FAM219A: variants seen among roughly 807,000 people sequenced by gnomAD.
The protein encoded by FAM219A is family with sequence similarity 219 member A.
Under a neutral mutation model 23.4 loss-of-function variants are expected in FAM219A, and 7 were observed. The ratio of observed to expected loss-of-function variants is 0.30; its 90% CI spans 0.17 to 0.56. The LOEUF is 0.56. FAM219A is among the 20% of genes least tolerant of loss of function. The pLI is 0.92. For missense variants in FAM219A, 166 were observed against 246.9 expected (o/e 0.67, Z 2.20); for synonymous variants, 93 against 99.0 (o/e 0.94, Z 0.36).
At chr9:34,403,465 G>A (rs1481060867) in intron 2 of FAM219A, among the ~76,000 whole-genome samples, 2 of 152,258 alleles carry the variant, frequency 1.3e-5, no homozygotes, top group East Asian at 3.8e-4. Context: ...TATGGTGTGG[G>A]AGGTGCAGGA....
chr9:34,445,809 A>G (rs1369821462), intron 1 of FAM219A, among the ~76,000 whole-genome samples: 1 of 152,172 alleles, frequency 6.6e-6, no homozygotes, highest in African/African-American at 2.4e-5. Flanking sequence ...AAGTGGGCAA[A>G]ATGATTTTCC....
In FAM219A at chr9:34,398,755, T is replaced by A. The variant is rs1485021362; in HGVS notation, c.*2209A>T. ...AGCCCCGGGGTGGTGGTGGTGGTAG[T>A]GGGAGGGCTGGCTCTGGGGTCCAGA... On this transcript the variant is annotated 3_prime_UTR_variant, in exon 6 of 6. Transcript: ENST00000651358. 7.9e-6 allele frequency: 1 copy of A among 126,746 alleles called. No homozygotes were observed. Among genetic ancestry groups the A allele is most frequent in the East Asian group, 1.7e-4 (1 of 5,752 alleles). The allele number at this position is 126,746 out of a possible 1,614,324, so 7.9% of individuals were successfully genotyped here.
At chr9:34,452,308 T>C (rs1014914728) in intron 1 of FAM219A, among the ~76,000 whole-genome samples, 1 of 152,100 alleles carries the variant, frequency 6.6e-6, no homozygotes, top group Admixed American at 6.5e-5. Flanking sequence ...GCTTCAGCAG[T>C]AGAGCAAAGG....
At position 34,407,532 on chromosome 9, in the gene FAM219A, C is replaced by T. The variant is rs958151407; in HGVS notation, c.61-1568G>A. ...CTGGGCCGAGAGGGGAAGTGTCTTA[C>T]GCAAAGTCAGTGATGGAGTCAATAA... On this transcript the variant is annotated intron_variant, in intron 1 of 5. Coordinates refer to ENST00000651358, the MANE Select transcript of FAM219A (RefSeq NM_001184940.2). 3.3e-5 allele frequency among the ~76,000 whole-genome samples: 5 copies of T among 152,110 alleles called. No homozygotes were observed. In the East Asian group the frequency reaches 5.8e-4, roughly 18 times the overall value.
chr9:34,400,922 C>A lies in FAM219A; in HGVS notation c.*42G>T, dbSNP rs773437600. 4 of 1,492,554 alleles carry A rather than the reference C, an allele frequency of 2.7e-6. No homozygotes were observed. The highest frequency in any genetic ancestry group is 3.6e-6 in the Non-Finnish European group (4 of 1,119,078). The allele number at this position is 1,492,554 out of a possible 1,614,324, so 92.5% of individuals were successfully genotyped here. On this transcript the variant is annotated 3_prime_UTR_variant, in exon 6 of 6. Transcript: ENST00000651358. ...GTCGGCCTCTGCCCGTCCTACCCGGCCCTTGGCGGCCCCGCCCCGGCGACC... is the reference window on the plus strand; with the variant it reads ...GTCGGCCTCTGCCCGTCCTACCCGGACCTTGGCGGCCCCGCCCCGGCGACC...
At chr9:34,424,200 G>A (rs1822376868) in intron 1 of FAM219A, among the ~76,000 whole-genome samples, 3 of 152,124 alleles carry the variant, frequency 2.0e-5, no homozygotes, top group African/African-American at 7.2e-5. Flanking sequence ...AAGAGAGACT[G>A]GAAAATAGTT....
chr9:34,402,486 G>A lies in FAM219A; in HGVS notation c.264-19C>T, dbSNP rs200475390. 63 of 1,614,038 alleles carry A rather than the reference G, an allele frequency of 3.9e-5. No homozygotes were observed. The East Asian group carries it at 1.2e-3, about 30-fold the overall frequency. On this transcript the variant is annotated intron_variant, in intron 3 of 5. Transcript: ENST00000651358. ...GACCAGCCTAGGTGAAGAATTTCGG[G>A]AGTTAGAGTGGCAAAGTGGAGCATA...
rs1157272215 is a variant in FAM219A at position 34,411,549 on chromosome 9, C to T, written c.61-5585G>A. ...AAACTTAGCCAGGCACGGTGGTGGG[C>T]GCCTGTAGTCCTAGCTACTCGGGAG... On this transcript the variant is annotated intron_variant, in intron 1 of 5. Transcript: ENST00000651358. Among the ~76,000 whole-genome samples, 10 of 151,638 alleles carry T rather than the reference C, an allele frequency of 6.6e-5. No individual in the cohort carries two copies. In the East Asian group the frequency reaches 1.5e-3, roughly 23 times the overall value.
chr9:34,441,462 T>G (rs1409721363), intron 1 of FAM219A, among the ~76,000 whole-genome samples: 1 of 151,964 alleles, frequency 6.6e-6, no homozygotes, highest in African/African-American at 2.4e-5. Flanking sequence ...TGAAGCAGGG[T>G]GGGATACATG....
chr9:34,411,602 G>A (rs1256153232), intron 1 of FAM219A, among the ~76,000 whole-genome samples: 1 of 151,130 alleles, frequency 6.6e-6, no homozygotes, highest in African/African-American at 2.4e-5. Flanking sequence ...GCTAGAACCC[G>A]GGAGGCGGAG....
At chr9:34,401,610 G>C (rs905346829) in intron 5 of FAM219A, 56 bp downstream of exon 5, 1 of 1,572,892 alleles carries the variant, frequency 6.4e-7, no homozygotes, top group Non-Finnish European at 8.6e-7. Context: ...GCCCTCCCCC[G>C]GGATGGCAGT....
chr9:34,458,516 T>G lies in FAM219A; in HGVS notation c.-253A>C. 1 of 373,716 alleles carries G rather than the reference T, an allele frequency of 2.7e-6. No individual in the cohort carries two copies. Among genetic ancestry groups the G allele is most frequent in the Non-Finnish European group, 4.8e-6 (1 of 206,878 alleles). 23.1% of individuals were successfully genotyped at this position (373,716 alleles called of 1,614,324 possible). On this transcript the variant is annotated 5_prime_UTR_variant, in exon 1 of 6. Transcript: ENST00000651358. This position sits in a 1 kb window ranked among gnomAD's most constrained non-coding sequence, Gnocchi z 6.6. ...GCCGGGCCGAGCCGCAGGTCTTGCC[T>G]CGCCTCCTACTCCGCTGCCGCCTCC...
intron 1 of FAM219A, among the ~76,000 whole-genome samples, chr9:34,415,905 C>T (rs1460888954): frequency 6.6e-6 from 1 of 152,106 alleles, no homozygotes; most frequent in Non-Finnish European, 1.5e-5. Context: ...CCCTAGGTTT[C>T]AGTCTCTGGT....
intron 1 of FAM219A, among the ~76,000 whole-genome samples, chr9:34,430,209 G>T (rs1376367856): frequency 1.3e-5 from 2 of 152,084 alleles, no homozygotes; most frequent in African/African-American, 4.8e-5. Context: ...CACAGCGAAA[G>T]ACATGTGCAG....
chr9:34,400,878 G>T lies in FAM219A; in HGVS notation c.*86C>A. 1 of 1,368,096 alleles carries T rather than the reference G, an allele frequency of 7.3e-7. No homozygotes were observed. Among genetic ancestry groups the T allele is most frequent in the Non-Finnish European group, 9.6e-7 (1 of 1,042,846 alleles). The allele number at this position is 1,368,096 out of a possible 1,614,324, so 84.7% of individuals were successfully genotyped here. On this transcript the variant is annotated 3_prime_UTR_variant, in exon 6 of 6. Coordinates refer to ENST00000651358, the MANE Select transcript of FAM219A (RefSeq NM_001184940.2). ...TGTAGGGGCGCGGGGCCGGGGGCAG[G>T]CAGACGAGCTGGGAAGGGGTCGGCC...
intron 1 of FAM219A, among the ~76,000 whole-genome samples, chr9:34,409,812 C>A (rs910622740): frequency 6.6e-6 from 1 of 152,112 alleles, no homozygotes; most frequent in Non-Finnish European, 1.5e-5. Flanking sequence ...GTAGATTCAC[C>A]TTTATTTCAT....
chr9:34,449,948 G>C (rs1239156884), intron 1 of FAM219A, among the ~76,000 whole-genome samples: 1 of 152,138 alleles, frequency 6.6e-6, no homozygotes, highest in Non-Finnish European at 1.5e-5. Context: ...AGGAAATGCT[G>C]GTCTAAACCG....
intron 1 of FAM219A, among the ~76,000 whole-genome samples, chr9:34,432,605 C>T (rs1408556109): frequency 6.6e-6 from 1 of 152,188 alleles, no homozygotes; most frequent in East Asian, 1.9e-4. Flanking sequence ...CTCTTCGCAT[C>T]TCATATAAAC....
At chr9:34,419,042 T>C (rs1822146326) in intron 1 of FAM219A, among the ~76,000 whole-genome samples, 1 of 151,998 alleles carries the variant, frequency 6.6e-6, no homozygotes, top group Non-Finnish European at 1.5e-5. Context: ...ACCACTGCAC[T>C]CCAACTTGGG....
Sources: allele counts gnomAD v4.1 joint callset (sites outside exome capture counted in the v4.1 genomes callset), GRCh38; gene constraint gnomAD v4.1.1; non-coding constraint Gnocchi (gnomAD v3.1); transcripts MANE v1.5; gene names NCBI Gene and HGNC (gene_info 2026-07-23, HGNC 2026-07-21).